TRPM3: variants seen among roughly 807,000 people sequenced by gnomAD.
The protein encoded by TRPM3 is transient receptor potential cation channel subfamily M member 3, also known as long transient receptor potential channel 3.
TRPM3 carries 77 observed loss-of-function variants against 181.2 expected under a neutral mutation model. The ratio of observed to expected loss-of-function variants is 0.42; its 90% CI spans 0.35 to 0.51. TRPM3 has a LOEUF of 0.51. Among genes scored for constraint, TRPM3 ranks in the 20% least tolerant of loss-of-function variants. The pLI, the probability that TRPM3 is intolerant of heterozygous loss-of-function variation, is 0.01. For missense variants in TRPM3, 1,759 were observed against 2,196.7 expected, an observed-to-expected ratio of 0.80 and a Z score of 3.98; for synonymous variants, 745 against 796.4, an observed-to-expected ratio of 0.94 and a Z score of 1.09.
chr9:70,648,219 A>G (rs1436255409), intron 9 of TRPM3, among the ~76,000 whole-genome samples: 1 of 152,232 alleles, frequency 6.6e-6, no homozygotes, highest in Non-Finnish European at 1.5e-5. Flanking sequence ...TTATGCCTGT[A>G]TTACCAGCAT....
intron 1 of TRPM3, among the ~76,000 whole-genome samples, chr9:70,916,771 T>C (rs143075509): frequency 6.6e-6 from 1 of 151,272 alleles, no homozygotes; most frequent in Non-Finnish European, 1.5e-5. Flanking sequence ...CTTTGTTATA[T>C]GGAAAAATGC....
intron 1 of TRPM3, among the ~76,000 whole-genome samples, chr9:71,126,840 C>G (rs484327): frequency 0.94 from 143,370 of 152,252 alleles, 67,721 homozygotes; most frequent in South Asian, 0.98. Context: ...GTGAGTTTTT[C>G]AGACAGCCCA....
At chr9:70,914,021 G>A (rs1449548959) in intron 1 of TRPM3, among the ~76,000 whole-genome samples, 2 of 152,118 alleles carry the variant, frequency 1.3e-5, no homozygotes, top group Non-Finnish European at 1.5e-5. Context: ...AATGACAGCC[G>A]ATAAATACCA....
chr9:70,892,083 A>G (rs2096212742), intron 1 of TRPM3, among the ~76,000 whole-genome samples: 1 of 152,200 alleles, frequency 6.6e-6, no homozygotes, highest in African/African-American at 2.4e-5. Context: ...TACGAGGAAA[A>G]AAAGGGAAAA....
At chr9:70,552,571 G>T (rs147064537) in intron 24 of TRPM3, among the ~76,000 whole-genome samples, 56 of 152,274 alleles carry the variant, frequency 3.7e-4, no homozygotes, top group African/African-American at 9.9e-4. Context: ...ACTTATGAAG[G>T]TTCTAAAATA....
chr9:71,162,982 G>A (rs913231749), intron 1 of TRPM3, among the ~76,000 whole-genome samples: 8 of 152,158 alleles, frequency 5.3e-5, no homozygotes, highest in African/African-American at 1.7e-4. Flanking sequence ...TTTACATAGT[G>A]CATGTGGGAA....
At chr9:70,569,470 G>A (rs751538414) in intron 22 of TRPM3, among the ~76,000 whole-genome samples, 2 of 152,292 alleles carry the variant, frequency 1.3e-5, no homozygotes, top group South Asian at 2.1e-4. Flanking sequence ...ATTATTTCAC[G>A]TGACTAGGTG....
intron 1 of TRPM3, among the ~76,000 whole-genome samples, chr9:70,998,125 A>G (rs1457501792): frequency 9.3e-6 from 1 of 108,002 alleles, no homozygotes; most frequent in East Asian, 3.2e-4. Flanking sequence ...AATTGTTTAT[A>G]TATATACATA....
At chr9:70,921,942 A>AACACACACACACACACACACACACAC (rs71367238) in intron 1 of TRPM3, among the ~76,000 whole-genome samples, 9 of 139,494 alleles carry the variant, frequency 6.5e-5, no homozygotes, top group African/African-American at 2.2e-4. Context: ...CACACAAACA[A>AACACACACACACACACACACACACAC]ACACACACAC....
In TRPM3 at chr9:71,121,585, A is replaced by G; in HGVS notation, c.-231T>C. On this transcript the variant is annotated 5_prime_UTR_variant, in exon 1 of 26. Transcript: ENST00000677713. The stretch of plus-strand genomic sequence containing the variant: ...AGAAGAGGGACAGCCTGCACAAAAC[A>G]GCCTGTGGTCGGAGTCAAAGCAGCC... 7.7e-7 allele frequency: 1 copy of G among 1,306,212 alleles called. No individual in the cohort carries two copies. The highest frequency in any genetic ancestry group is 9.7e-7 in the Non-Finnish European group (1 of 1,028,338). The allele number at this position is 1,306,212 out of a possible 1,614,324, so 80.9% of individuals were successfully genotyped here. A position where few individuals can be genotyped will look rare whatever the true frequency, so the allele number is the denominator to read the frequency against.
chr9:70,993,863 G>C (rs1446796848), intron 1 of TRPM3, among the ~76,000 whole-genome samples: 1 of 151,828 alleles, frequency 6.6e-6, no homozygotes, highest in South Asian at 2.1e-4. Flanking sequence ...CCAGCGTTTG[G>C]GTAGGGTAGC....
At chr9:71,073,935 A>G (rs1029760851) in intron 1 of TRPM3, among the ~76,000 whole-genome samples, 1 of 152,238 alleles carries the variant, frequency 6.6e-6, no homozygotes, top group Non-Finnish European at 1.5e-5. Context: ...TACTTCTATC[A>G]TATAAAATTA....
chr9:70,777,936 CGTAAA>C (rs1199506459), intron 7 of TRPM3, among the ~76,000 whole-genome samples: 2 of 151,620 alleles, frequency 1.3e-5, no homozygotes, highest in East Asian at 1.9e-4. Context: ...CTTATGTATA[CGTAAA>C]GTAATCTTAT....
rs186852973 is a variant in TRPM3, at chr9:71,283,682, A to T, written c.183+162971T>A. On this transcript the variant is annotated intron_variant, in intron 1 of 24. Transcript: ENST00000357533. ...TTTATCCATTCATCTGTTGGTGGGC[A>T]CTTGGGTATCACAAATAATGCTGTT... Among the ~76,000 whole-genome samples the T allele has an allele frequency of 2.6e-5, 4 of 152,318 alleles. No individual in the cohort carries two copies. In the East Asian group the frequency reaches 7.7e-4, roughly 29 times the overall value.
chr9:70,973,286 C>A (rs2097264752), intron 1 of TRPM3, among the ~76,000 whole-genome samples: 1 of 152,152 alleles, frequency 6.6e-6, no homozygotes, highest in African/African-American at 2.4e-5. Context: ...ATCCTGCTTC[C>A]TTTAGCTGAG....
intron 6 of TRPM3, among the ~76,000 whole-genome samples, chr9:70,819,082 G>C (rs2092942840): frequency 6.6e-6 from 1 of 152,094 alleles, no homozygotes; most frequent in African/African-American, 2.4e-5. Flanking sequence ...GAAAGATTTA[G>C]AAAAAACAAA....
intron 1 of TRPM3, among the ~76,000 whole-genome samples, chr9:71,133,593 C>T (rs2026105): frequency 0.47 from 71,744 of 151,868 alleles, 17,037 homozygotes; most frequent in South Asian, 0.5. Flanking sequence ...CCACTGCGCC[C>T]GGCTGCTTCT....
chr9:71,214,653 C>G (rs2079731122), intron 1 of TRPM3, among the ~76,000 whole-genome samples: 1 of 152,088 alleles, frequency 6.6e-6, no homozygotes, highest in Non-Finnish European at 1.5e-5. Flanking sequence ...GGCTAAAGGC[C>G]AAACTGTTGG....
At chr9:71,005,188 C>T (rs2097660458) in intron 1 of TRPM3, among the ~76,000 whole-genome samples, 1 of 152,132 alleles carries the variant, frequency 6.6e-6, no homozygotes, top group South Asian at 2.1e-4. Flanking sequence ...GGGCAGATCA[C>T]CTGAGTTTGG....
Sources: gnomAD v4.1 joint callset for allele counts (sites outside exome capture counted in the v4.1 genomes callset) on GRCh38, gnomAD v4.1.1 for gene constraint, MANE v1.5 for transcripts, NCBI Gene and HGNC (gene_info 2026-07-23, HGNC 2026-07-21) for gene names.